The following CDC40 variants were observed in gnomAD, a reference collection of about 807,000 sequenced individuals.
CDC40 encodes cell division cycle 40.
CDC40 carries 27 observed loss-of-function variants against 80.6 expected under a neutral mutation model. The observed-to-expected ratio is 0.33, with a 90% CI of 0.25 to 0.46. The LOEUF (loss-of-function observed/expected upper bound fraction) is 0.46, where lower values mean the gene tolerates loss of function less well. Ranked by LOEUF, CDC40 falls within the 20% of genes least tolerant of loss-of-function variation. CDC40 has a pLI of 1.00. For missense variants in CDC40, 486 were observed against 694.1 expected (o/e 0.70, Z 3.37); for synonymous variants, 221 against 232.6 (o/e 0.95, Z 0.45).
rs781060864 is a variant in CDC40 at position 110,212,262 on chromosome 6, G to C, written c.857G>C (p.Gly286Ala). ...LPKKQIHVWSGHTKGVSAVRL... is the reference protein window; with the variant it reads ...LPKKQIHVWSAHTKGVSAVRL... ...AAAAAACAAATTCATGTGTGGTCTG[G>C]ACACACAAAGGTAAGCAAGTTGGTT... The change falls in exon 7 of 15, where the codon GGA becomes GCA. Residue 286 changes from glycine (G) to alanine (A), a missense_variant. By Grantham distance (60) the Gly-to-Ala change is moderately conservative. Coordinates refer to ENST00000307731, the MANE Select transcript of CDC40 (RefSeq NM_015891.3). The C allele has an allele frequency of 1.9e-6, 3 of 1,613,828 alleles. No homozygotes were observed. In the Admixed American group the frequency reaches 5.0e-5, roughly 27 times the overall value.
intron 3 of CDC40, among the ~76,000 whole-genome samples, chr6:110,202,602 C>G (rs956999553): frequency 6.6e-6 from 1 of 152,164 alleles, no homozygotes; most frequent in Non-Finnish European, 1.5e-5. Context: ...TACTTTTCTT[C>G]TTAAATTACC....
rs776330115 is a variant in CDC40, at chr6:110,201,702, C to T, written c.406+15C>T. On this transcript the variant is annotated intron_variant, in intron 3 of 14. Coordinates refer to ENST00000307731, the MANE Select transcript of CDC40 (RefSeq NM_015891.3). ...TGCAACATATGGTAAGGTGATAAGA[C>T]TTAAGCAGTTTCAATTTTGGCTTTA... 21 of 1,608,746 alleles carry T rather than the reference C, an allele frequency of 1.3e-5. No homozygotes were observed. The South Asian group carries it at 2.3e-4, about 18-fold the overall frequency.
At chr6:110,229,329 G>T (rs1395215243) in intron 14 of CDC40, among the ~76,000 whole-genome samples, 1 of 152,068 alleles carries the variant, frequency 6.6e-6, no homozygotes, top group Non-Finnish European at 1.5e-5. Context: ...AACACCAGAA[G>T]AATTAATTGT....
rs1777914447 is a variant in CDC40 at position 110,229,941 on chromosome 6, C to T, written c.1563-13C>T. 2.6e-6 allele frequency: 4 copies of T among 1,553,824 alleles called. No individual in the cohort carries two copies. Among genetic ancestry groups the T allele is most frequent in the Middle Eastern group, 2.0e-4 (1 of 4,988 alleles). On this transcript the variant is annotated splice_polypyrimidine_tract_variant and intron_variant, in intron 14 of 14. Coordinates refer to ENST00000307731, the MANE Select transcript of CDC40 (RefSeq NM_015891.3). ...ATTTTAATAATTTGAATTTATCTTTCTTCCCATTATAGTTATGTGATTTCA... is the reference window on the plus strand; with the variant it reads ...ATTTTAATAATTTGAATTTATCTTTTTTCCCATTATAGTTATGTGATTTCA...
At chr6:110,214,978 A>G (rs939753993) in intron 8 of CDC40, among the ~76,000 whole-genome samples, 4 of 152,356 alleles carry the variant, frequency 2.6e-5, no homozygotes, top group Non-Finnish European at 5.9e-5. Flanking sequence ...GAAAAGAACA[A>G]TATGAAAATG....
At position 110,199,486 on chromosome 6, in the gene CDC40, C is replaced by T. The variant is rs373580378; in HGVS notation, c.277-2072C>T. 2.4e-4 allele frequency among the ~76,000 whole-genome samples: 37 copies of T among 151,030 alleles called. No individual in the cohort carries two copies. The East Asian group carries it at 4.9e-3, about 20-fold the overall frequency. On this transcript the variant is annotated intron_variant, in intron 2 of 14. Coordinates refer to ENST00000307731, the MANE Select transcript of CDC40 (RefSeq NM_015891.3). ...GTGGGCACCTGTAGTCCCAGCTACT[C>T]GGGAGGCTGAGGCAGGAGAATGGTG...
chr6:110,203,826 G>T (rs1777523088), intron 3 of CDC40, among the ~76,000 whole-genome samples: 1 of 152,060 alleles, frequency 6.6e-6, no homozygotes, highest in Non-Finnish European at 1.5e-5. Flanking sequence ...CCTGTTTTCT[G>T]CCTGCTCCCC....
At chr6:110,193,490 C>T (rs1777378638) in intron 2 of CDC40, among the ~76,000 whole-genome samples, 2 of 151,974 alleles carry the variant, frequency 1.3e-5, no homozygotes, top group East Asian at 1.9e-4. Context: ...CTGCAAGCTC[C>T]GCCTCCTGGG....
intron 4 of CDC40, 61 bp from the exon 5 acceptor site, chr6:110,209,023 A>G: frequency 9.8e-7 from 1 of 1,023,602 alleles, no homozygotes; most frequent in South Asian, 1.6e-5. Flanking sequence ...ATATTTCTTT[A>G]GAAAATGTAC....
intron 9 of CDC40, 137 bp from the exon 10 acceptor site, chr6:110,217,565 C>A: frequency 1.6e-6 from 1 of 610,770 alleles, no homozygotes; most frequent in African/African-American, 1.9e-5. Flanking sequence ...GTAAATCAGG[C>A]GGTGGCATTC....
At chr6:110,226,979 G>A (rs1193663168) in intron 13 of CDC40, among the ~76,000 whole-genome samples, 1 of 151,900 alleles carries the variant, frequency 6.6e-6, no homozygotes, top group Non-Finnish European at 1.5e-5. Context: ...CTGTACTCCA[G>A]CCTGGGCAAC....
chr6:110,215,345 T>A lies in CDC40; in HGVS notation c.988+14T>A. 6.2e-7 allele frequency: 1 copy of A among 1,604,808 alleles called. No individual in the cohort carries two copies. The highest frequency in any genetic ancestry group is 1.3e-5 in the African/African-American group (1 of 74,864). ...GAACATTTATTGGTAATGCTTCTTT[T>A]CTCTCCAACATAAATCTGGGAAGAA... On this transcript the variant is annotated intron_variant, in intron 9 of 14. Transcript: ENST00000307731.
At chr6:110,212,870 G>A (rs1306496899) in intron 7 of CDC40, among the ~76,000 whole-genome samples, 1 of 151,956 alleles carries the variant, frequency 6.6e-6, no homozygotes, top group Non-Finnish European at 1.5e-5. Context: ...ATTGGGTGAG[G>A]AACTCAATAT....
chr6:110,215,798 A>C (rs1442938649), intron 9 of CDC40, among the ~76,000 whole-genome samples: 8 of 152,230 alleles, frequency 5.3e-5, no homozygotes, highest in Non-Finnish European at 8.8e-5. Context: ...GCCTGGAGGA[A>C]GGGAAATTAA....
chr6:110,207,345 A>G lies in CDC40; in HGVS notation c.407-161A>G, dbSNP rs147700872. Reference sequence around the variant, plus strand: ...AAAAAAAAAAAAAAAAAAGGAAGCAATATAGCTCAGGGCAGAATGATTGGT... The same window carrying G: ...AAAAAAAAAAAAAAAAAAGGAAGCAGTATAGCTCAGGGCAGAATGATTGGT... On this transcript the variant is annotated intron_variant, in intron 3 of 14. Coordinates refer to ENST00000307731, the MANE Select transcript of CDC40 (RefSeq NM_015891.3). Among the ~76,000 whole-genome samples the G allele has an allele frequency of 9.5e-3, 1,442 of 151,542 alleles. 14 individuals are homozygous for G. The highest frequency in any genetic ancestry group is 0.017 in the Non-Finnish European group (1,176 of 67,886).
intron 1 of CDC40, among the ~76,000 whole-genome samples, chr6:110,186,661 T>A (rs1777274903): frequency 6.6e-6 from 1 of 152,252 alleles, no homozygotes; most frequent in African/African-American, 2.4e-5. Flanking sequence ...TGTAGCTGTT[T>A]CCCTTTGAAA....
At chr6:110,225,732 G>A (rs966964270) in intron 12 of CDC40, among the ~76,000 whole-genome samples, 1 of 152,058 alleles carries the variant, frequency 6.6e-6, no homozygotes, top group Non-Finnish European at 1.5e-5. Context: ...CCCTACCATG[G>A]TACATTTTTA....
intron 3 of CDC40, among the ~76,000 whole-genome samples, chr6:110,205,980 G>A (rs1777556405): frequency 6.6e-6 from 1 of 152,106 alleles, no homozygotes; most frequent in Non-Finnish European, 1.5e-5. Context: ...TTTTAATGCT[G>A]AAAAAAACTA....
intron 12 of CDC40, among the ~76,000 whole-genome samples, chr6:110,223,975 G>A (rs1050887278): frequency 6.6e-6 from 1 of 152,044 alleles, no homozygotes; most frequent in African/African-American, 2.4e-5. Context: ...TGGGACTACA[G>A]TAATGCGCCA....
Sources: allele counts gnomAD v4.1 joint callset (sites outside exome capture counted in the v4.1 genomes callset), GRCh38; gene constraint gnomAD v4.1.1; transcripts MANE v1.5; gene names NCBI Gene and HGNC (gene_info 2026-07-23, HGNC 2026-07-21).